RIMBP2: variants seen among roughly 807,000 people sequenced by gnomAD.
RIMBP2 encodes RIMS binding protein 2.
In RIMBP2, 48 loss-of-function variants were observed where a neutral mutation model predicts 118.6. The observed-to-expected ratio is 0.40, with a 90% CI of 0.32 to 0.51. The LOEUF is 0.51. Ranked by LOEUF, RIMBP2 falls within the 20% of genes least tolerant of loss-of-function variation. RIMBP2 has a pLI of 0.41. For synonymous variants in RIMBP2, 762 were observed against 742.9 expected, an observed-to-expected ratio of 1.03 and a Z score of -0.42; for missense variants, 1,551 against 1,768.3, an observed-to-expected ratio of 0.88 and a Z score of 2.20.
chr12:130,451,117 C>A, intron 8 of RIMBP2, 78 bp downstream of exon 8: 1 of 1,492,654 alleles, frequency 6.7e-7, no homozygotes, highest in Non-Finnish European at 9.1e-7. Context: ...GAAGAAAAAA[C>A]AGGACAAACT....
rs970938443 is a variant in RIMBP2 at position 130,419,116 on chromosome 12, G to A, written c.3238+3337C>T. Among the ~76,000 whole-genome samples, 1 of 152,246 alleles carries A rather than the reference G, an allele frequency of 6.6e-6. No homozygotes were observed. The highest frequency in any genetic ancestry group is 1.5e-5 in the Non-Finnish European group (1 of 68,052). On this transcript the variant is annotated intron_variant, in intron 17 of 22. Coordinates refer to ENST00000690449, the MANE Select transcript of RIMBP2 (RefSeq NM_001393629.1). The surrounding 1 kb of genome is among the most constrained non-coding windows in gnomAD (Gnocchi z 4.3). ...AGCACCAAACCTCGACAGGGAAAGA[G>A]TAGCAGCCTCCCTGGAATGTGTCCA...
chr12:130,654,822 C>A (rs939158860), intron 1 of RIMBP2, among the ~76,000 whole-genome samples: 1 of 152,180 alleles, frequency 6.6e-6, no homozygotes, highest in Admixed American at 6.5e-5. Context: ...AGCTTCCAAT[C>A]ATGGTGGAAG....
intron 2 of RIMBP2, among the ~76,000 whole-genome samples, chr12:130,598,635 G>A (rs2059690981): frequency 6.6e-6 from 1 of 151,990 alleles, no homozygotes; most frequent in Admixed American, 6.5e-5. Flanking sequence ...GGCTGAGGCA[G>A]GAGAATGGCG....
chr12:130,535,931 C>G (rs967654390), intron 2 of RIMBP2, among the ~76,000 whole-genome samples: 5 of 151,708 alleles, frequency 3.3e-5, no homozygotes, highest in Non-Finnish European at 5.9e-5. Flanking sequence ...AGGTATGCAC[C>G]ACCATATCCG....
intron 9 of RIMBP2, among the ~76,000 whole-genome samples, chr12:130,449,779 C>G (rs887690912): frequency 6.6e-6 from 1 of 151,976 alleles, no homozygotes; most frequent in African/African-American, 2.4e-5. Context: ...ACAGGGAGGG[C>G]GAGGCGGCCA....
At chr12:130,591,936 C>A (rs138479301) in intron 2 of RIMBP2, among the ~76,000 whole-genome samples, 8 of 152,262 alleles carry the variant, frequency 5.3e-5, no homozygotes, top group Non-Finnish European at 8.8e-5. Context: ...GGCTGCCCTG[C>A]GCTGCACCAC....
intron 2 of RIMBP2, among the ~76,000 whole-genome samples, chr12:130,624,256 T>C (rs563544703): frequency 1.7e-4 from 26 of 152,338 alleles, no homozygotes; most frequent in African/African-American, 5.5e-4. Flanking sequence ...GAGTTTCACA[T>C]ATGTTTGGAA....
rs529786979 is a variant in RIMBP2 at position 130,494,962 on chromosome 12, G to T, written c.-4+11686C>A. ...TGAGGGAGAAGCCGCCCCATGCCCC[G>T]CTCCAGCTGCTGGCGTGGCCACGAT... On this transcript the variant is annotated intron_variant, in intron 4 of 22. Transcript: ENST00000690449. Among the ~76,000 whole-genome samples the T allele has an allele frequency of 1.1e-3, 173 of 152,194 alleles. 3 individuals are homozygous for T. The highest frequency in any genetic ancestry group is 8.8e-4 in the Non-Finnish European group (60 of 68,030).
chr12:130,520,503 A>AACAC (rs35608453), intron 2 of RIMBP2, among the ~76,000 whole-genome samples: 8 of 151,268 alleles, frequency 5.3e-5, no homozygotes, highest in East Asian at 2.0e-4. Flanking sequence ...CTCTACTAAA[A>AACAC]ACACACACAC....
intron 11 of RIMBP2, among the ~76,000 whole-genome samples, chr12:130,439,249 T>C (rs2077815737): frequency 6.6e-6 from 1 of 151,914 alleles, no homozygotes; most frequent in South Asian, 2.1e-4. Context: ...TGTATGTATG[T>C]ATATGTACAT....
At chr12:130,533,595 AG>A (rs2053705351) in intron 2 of RIMBP2, among the ~76,000 whole-genome samples, 1 of 152,254 alleles carries the variant, frequency 6.6e-6, no homozygotes, top group Admixed American at 6.5e-5. Context: ...TGTATCAAAA[AG>A]ACACCTGCGC....
chr12:130,489,574 C>T (rs1452661730), intron 4 of RIMBP2, among the ~76,000 whole-genome samples: 3 of 152,160 alleles, frequency 2.0e-5, no homozygotes, highest in Admixed American at 2.0e-4. Flanking sequence ...CCTGTAGAGG[C>T]TCCATCTCCT....
At chr12:130,561,634 T>A (rs995244582) in intron 2 of RIMBP2, among the ~76,000 whole-genome samples, 2 of 152,212 alleles carry the variant, frequency 1.3e-5, no homozygotes, top group Non-Finnish European at 2.9e-5. Flanking sequence ...AACTCCCAAC[T>A]GGCCATTAAA....
chr12:130,603,023 C>T (rs767507291), intron 2 of RIMBP2, among the ~76,000 whole-genome samples: 39 of 152,018 alleles, frequency 2.6e-4, no homozygotes, highest in Non-Finnish European at 4.6e-4. Context: ...TTGTCAATCT[C>T]GTAATTTTAA....
chr12:130,592,464 G>A (rs2140329690), intron 2 of RIMBP2, among the ~76,000 whole-genome samples: 1 of 152,294 alleles, frequency 6.6e-6, no homozygotes, highest in Middle Eastern at 3.4e-3. Flanking sequence ...GCTGAGGAGG[G>A]TGGATTACGA....
chr12:130,706,026 G>A (rs1160090183), intron 1 of RIMBP2, among the ~76,000 whole-genome samples: 3 of 152,234 alleles, frequency 2.0e-5, no homozygotes, highest in African/African-American at 4.8e-5. Flanking sequence ...CAGAGGACCC[G>A]TTTCTGGGAC....
intron 2 of RIMBP2, among the ~76,000 whole-genome samples, chr12:130,521,550 GT>G (rs1365097690): frequency 6.6e-6 from 1 of 152,232 alleles, no homozygotes. Context: ...ACACCACAAT[GT>G]AACTGACACA....
chr12:130,400,105 A>G (rs569111177), intron 21 of RIMBP2, among the ~76,000 whole-genome samples: 70 of 152,086 alleles, frequency 4.6e-4, no homozygotes, highest in Non-Finnish European at 8.4e-4. Context: ...TTCTGAAGGA[A>G]ACACTCCTTG....
chr12:130,485,438 G>C (rs1158220017), intron 4 of RIMBP2, among the ~76,000 whole-genome samples: 1 of 152,242 alleles, frequency 6.6e-6, no homozygotes, highest in East Asian at 1.9e-4. Context: ...TCTGGGTTGA[G>C]ATGACTTACA....
Sources: gnomAD v4.1 joint callset for allele counts (sites outside exome capture counted in the v4.1 genomes callset) on GRCh38, gnomAD v4.1.1 for gene constraint, Gnocchi (gnomAD v3.1) non-coding constraint, MANE v1.5 for transcripts, NCBI Gene and HGNC (gene_info 2026-07-23, HGNC 2026-07-21) for gene names.